TAMM41: variants seen among roughly 807,000 people sequenced by gnomAD.
The protein encoded by TAMM41 is TAM41 mitochondrial translocator assembly and maintenance homolog.
A neutral mutation model predicts 44.1 loss-of-function variants in TAMM41; 36 were observed. The ratio of observed to expected loss-of-function variants is 0.82; its 90% CI spans 0.63 to 1.08. The LOEUF is 1.08. Ranked by LOEUF, TAMM41 falls within the 50% of genes least tolerant of loss-of-function variation. TAMM41 has a pLI of 0.00. For missense variants in TAMM41, 417 were observed against 404.3 expected (o/e 1.03, Z -0.27); for synonymous variants, 164 against 153.1 (o/e 1.07, Z -0.53).
intron 7 of TAMM41, among the ~76,000 whole-genome samples, chr3:11,802,053 G>A (rs767217547): frequency 1.2e-4 from 18 of 151,944 alleles, no homozygotes; most frequent in Non-Finnish European, 2.1e-4. Flanking sequence ...ATCTCACCTT[G>A]ACAAAAAATA....
the TAMM41 span, among the ~76,000 whole-genome samples, chr3:11,725,484 G>A: frequency 7.1e-6 from 1 of 141,500 alleles, no homozygotes; most frequent in South Asian, 2.3e-4. Context: ...TGTCACCCAG[G>A]CTGGAGTGAA....
At chr3:11,774,817 A>G in the TAMM41 span, among the ~76,000 whole-genome samples, 1 of 151,778 alleles carries the variant, frequency 6.6e-6, no homozygotes, top group East Asian at 1.9e-4. Flanking sequence ...ATCTGCCCTC[A>G]TGACCTAATA....
chr3:11,824,106 C>T (rs191349911), intron 4 of TAMM41, among the ~76,000 whole-genome samples: 5 of 152,138 alleles, frequency 3.3e-5, no homozygotes, highest in African/African-American at 7.2e-5. Flanking sequence ...GGATTACAGG[C>T]GTGAGCCACT....
chr3:11,791,853 A>G (rs2077485246), intron 7 of TAMM41, among the ~76,000 whole-genome samples: 2 of 152,192 alleles, frequency 1.3e-5, no homozygotes, highest in Admixed American at 1.3e-4. Flanking sequence ...ACAAACTCAG[A>G]GTTCCTTTCC....
chr3:11,779,522 G>A, the TAMM41 span, among the ~76,000 whole-genome samples: 4 of 152,178 alleles, frequency 2.6e-5, no homozygotes, highest in Admixed American at 2.0e-4. Context: ...ACAAATGTCC[G>A]AACTATACAG....
chr3:11,764,987 C>T, the TAMM41 span, among the ~76,000 whole-genome samples: 2 of 152,320 alleles, frequency 1.3e-5, no homozygotes, highest in African/African-American at 2.4e-5. Flanking sequence ...TGCTTTGTGA[C>T]TCAGTCAACC....
the TAMM41 span, among the ~76,000 whole-genome samples, chr3:11,782,950 C>T: frequency 1.3e-5 from 2 of 152,134 alleles, no homozygotes; most frequent in Non-Finnish European, 2.9e-5. Context: ...AGGTAGGACT[C>T]GGAGCTTGAA....
the TAMM41 span, among the ~76,000 whole-genome samples, chr3:11,771,536 G>A: frequency 4.6e-5 from 7 of 152,054 alleles, no homozygotes; most frequent in East Asian, 1.9e-4. Flanking sequence ...GCTTTTTGTC[G>A]CCCAGGCTGG....
the TAMM41 span, among the ~76,000 whole-genome samples, chr3:11,781,776 A>AATAATC: frequency 1.8e-4 from 7 of 39,628 alleles, no homozygotes; most frequent in South Asian, 1.1e-3. Context: ...TAATAATAAT[A>AATAATC]ATAATCATAC....
intron 6 of TAMM41, chr3:11,808,124 G>T: frequency 9.6e-7 from 1 of 1,039,322 alleles, no homozygotes. Context: ...CCAAGCCGAT[G>T]ACCGAACAGC....
chr3:11,763,047 T>A, the TAMM41 span, among the ~76,000 whole-genome samples: 5 of 152,006 alleles, frequency 3.3e-5, no homozygotes, highest in Non-Finnish European at 5.9e-5. Flanking sequence ...TCAAAAAAAA[T>A]AAATAAATAA....
At chr3:11,756,653 G>A in the TAMM41 span, among the ~76,000 whole-genome samples, 2 of 152,026 alleles carry the variant, frequency 1.3e-5, no homozygotes, top group Admixed American at 1.3e-4. Context: ...ATCACATGAG[G>A]TAGGGAGTTC....
chr3:11,774,414 G>C, the TAMM41 span, among the ~76,000 whole-genome samples: 3 of 152,192 alleles, frequency 2.0e-5, no homozygotes, highest in African/African-American at 7.2e-5. Flanking sequence ...AATAAGAGCA[G>C]TGACTGAGTG....
the TAMM41 span, among the ~76,000 whole-genome samples, chr3:11,759,457 C>T: frequency 6.6e-6 from 1 of 151,960 alleles, no homozygotes; most frequent in Non-Finnish European, 1.5e-5. Flanking sequence ...CCTACCCCAG[C>T]ACCTCCTGAG....
the TAMM41 span, among the ~76,000 whole-genome samples, chr3:11,730,293 C>A: frequency 6.6e-6 from 1 of 151,722 alleles, no homozygotes; most frequent in Non-Finnish European, 1.5e-5. Context: ...TGGTGGCACA[C>A]ACCTGTATTC....
chr3:11,743,797 C>A, the TAMM41 span, among the ~76,000 whole-genome samples: 1 of 152,156 alleles, frequency 6.6e-6, no homozygotes, highest in Non-Finnish European at 1.5e-5. Context: ...CCCGGAGGTA[C>A]CTTAGGGCAT....
At chr3:11,829,687 G>T in intron 4 of TAMM41, 27 bp downstream of exon 4, 1 of 1,612,312 alleles carries the variant, frequency 6.2e-7, no homozygotes, top group Middle Eastern at 1.7e-4. Context: ...CTCCCTTGTA[G>T]AACATCTGGG....
At chr3:11,814,084 G>A (rs1448215720) in intron 5 of TAMM41, among the ~76,000 whole-genome samples, 2 of 151,904 alleles carry the variant, frequency 1.3e-5, no homozygotes, top group African/African-American at 2.4e-5. Context: ...AGGCTGAGGT[G>A]AGAGGATCAC....
chr3:11,723,240 T>C, the TAMM41 span, among the ~76,000 whole-genome samples: 1 of 152,196 alleles, frequency 6.6e-6, no homozygotes, highest in African/African-American at 2.4e-5. Flanking sequence ...TGGTTAAACA[T>C]TGTTGTCTAG....
Sources: allele counts gnomAD v4.1 joint callset (sites outside exome capture counted in the v4.1 genomes callset), GRCh38; gene constraint gnomAD v4.1.1; transcripts MANE v1.5; gene names NCBI Gene and HGNC (gene_info 2026-07-23, HGNC 2026-07-21).